The following SYN2 variants were observed in gnomAD, a reference collection of about 807,000 sequenced individuals.
SYN2 encodes synapsin II.
In SYN2, 19 loss-of-function variants were observed where a neutral mutation model predicts 50.9. The observed-to-expected ratio is 0.37, with a 90% CI of 0.26 to 0.55. The LOEUF (loss-of-function observed/expected upper bound fraction) is 0.55, where lower values mean the gene tolerates loss of function less well. Ranked by LOEUF, SYN2 falls within the 20% of genes least tolerant of loss-of-function variation. The probability of loss-of-function intolerance (pLI) is 0.81; values close to 1 mark genes in which losing one functional copy is unlikely to be tolerated. For synonymous variants in SYN2, 255 were observed against 224.9 expected, an observed-to-expected ratio of 1.13 and a Z score of -1.20; for missense variants, 587 against 576.4, an observed-to-expected ratio of 1.02 and a Z score of -0.19.
chr3:12,072,985 GA>G (rs1695393639), intron 1 of SYN2, among the ~76,000 whole-genome samples: 1 of 152,154 alleles, frequency 6.6e-6, no homozygotes, highest in Non-Finnish European at 1.5e-5. Context: ...CTCACTGTCA[GA>G]TGATCTAGTA....
At chr3:12,044,620 A>G (rs894298288) in intron 1 of SYN2, among the ~76,000 whole-genome samples, 3 of 152,120 alleles carry the variant, frequency 2.0e-5, no homozygotes, top group African/African-American at 7.2e-5. Flanking sequence ...TTGGTCATTT[A>G]CTTTTATAGG....
At chr3:12,161,101 G>T (rs1697635641) in intron 5 of SYN2, among the ~76,000 whole-genome samples, 1 of 152,218 alleles carries the variant, frequency 6.6e-6, no homozygotes, top group South Asian at 2.1e-4. Flanking sequence ...TTTGAAGGTT[G>T]TAGGTACCAA....
chr3:12,172,564 C>A (rs989065461), intron 10 of SYN2, among the ~76,000 whole-genome samples: 1 of 152,194 alleles, frequency 6.6e-6, no homozygotes, highest in African/African-American at 2.4e-5. Context: ...GACTCATTCC[C>A]CTCCTGGCTT....
At chr3:12,031,913 TC>T (rs1179202417) in intron 1 of SYN2, among the ~76,000 whole-genome samples, 1 of 138,452 alleles carries the variant, frequency 7.2e-6, no homozygotes, top group African/African-American at 2.6e-5. Flanking sequence ...GTGAATTTGA[TC>T]CTGTCATTAT....
chr3:12,062,147 T>TATG (rs201533926), intron 1 of SYN2, among the ~76,000 whole-genome samples: 3 of 151,602 alleles, frequency 2.0e-5, no homozygotes, highest in South Asian at 2.1e-4. Context: ...ATCCATGCAG[T>TATG]ATGATGATGA....
chr3:12,156,771 T>G (rs777309788), intron 5 of SYN2: 4 of 1,495,836 alleles, frequency 2.7e-6, no homozygotes, highest in East Asian at 2.3e-5. Context: ...CTACCTCCCC[T>G]AGGGCAGAAT....
chr3:12,036,663 A>G (rs1462903528), intron 1 of SYN2, among the ~76,000 whole-genome samples: 1 of 152,092 alleles, frequency 6.6e-6, no homozygotes, highest in Non-Finnish European at 1.5e-5. Context: ...AGATCTCTGA[A>G]ATGCCTTCCG....
chr3:12,121,202 A>G (rs1351644489), intron 1 of SYN2, among the ~76,000 whole-genome samples: 1 of 152,180 alleles, frequency 6.6e-6, no homozygotes, highest in Non-Finnish European at 1.5e-5. Flanking sequence ...AACCTGGGTT[A>G]AGTTCTTCTC....
At chr3:12,163,468 C>T (rs949961044) in intron 7 of SYN2, among the ~76,000 whole-genome samples, 2 of 151,690 alleles carry the variant, frequency 1.3e-5, no homozygotes, top group African/African-American at 4.9e-5. Flanking sequence ...CCTCCCTGCA[C>T]TCCTGTCCCA....
intron 1 of SYN2, among the ~76,000 whole-genome samples, chr3:12,028,822 A>C (rs1694320886): frequency 6.9e-6 from 1 of 145,202 alleles, no homozygotes; most frequent in Admixed American, 6.9e-5. Flanking sequence ...TCCATGTTGT[A>C]GGTTGCCTGT....
chr3:12,016,053 C>T (rs1268831878), intron 1 of SYN2, among the ~76,000 whole-genome samples: 2 of 152,292 alleles, frequency 1.3e-5, no homozygotes, highest in African/African-American at 4.8e-5. Context: ...TTTGAAGGCC[C>T]TCAATAACAC....
chr3:12,101,749 A>G (rs190458777), intron 1 of SYN2, among the ~76,000 whole-genome samples: 1 of 152,308 alleles, frequency 6.6e-6, no homozygotes, highest in African/African-American at 2.4e-5. Context: ...ACTATAGTGT[A>G]AACATCCCTC....
rs573511705 is a variant in SYN2 at position 12,074,634 on chromosome 3, C to T, written c.378-66017C>T. Among the ~76,000 whole-genome samples, 17 of 152,140 alleles carry T rather than the reference C, an allele frequency of 1.1e-4. No individual in the cohort carries two copies. In the South Asian group the frequency reaches 3.3e-3, roughly 30 times the overall value. ...ACTTGTTTTTGTATTCAAATTTGTTCTTTTTTGTTGTTCTGTGGCTTGGAT... is the reference window on the plus strand; with the variant it reads ...ACTTGTTTTTGTATTCAAATTTGTTTTTTTTTGTTGTTCTGTGGCTTGGAT... On this transcript the variant is annotated intron_variant, in intron 1 of 12. Coordinates refer to ENST00000621198, the MANE Select transcript of SYN2 (RefSeq NM_133625.6).
chr3:12,080,174 A>G (rs1695556341), intron 1 of SYN2, among the ~76,000 whole-genome samples: 1 of 151,530 alleles, frequency 6.6e-6, no homozygotes, highest in South Asian at 2.1e-4. Flanking sequence ...TTTATTGTCT[A>G]TTTGATTCTT....
chr3:12,112,831 C>T lies in SYN2; in HGVS notation c.378-27820C>T, dbSNP rs147257680. ...AGTGCACTTTTAAAAAAAATAAATA[C>T]CCCAGGAGTTAAGTCATATCCGGTT... On this transcript the variant is annotated intron_variant, in intron 1 of 12. Transcript: ENST00000621198. Among the ~76,000 whole-genome samples the T allele has an allele frequency of 1.5e-4, 23 of 152,174 alleles. No homozygotes were observed. The East Asian group carries it at 4.1e-3, about 27-fold the overall frequency.
intron 1 of SYN2, among the ~76,000 whole-genome samples, chr3:12,100,463 A>G (rs1696047812): frequency 6.6e-6 from 1 of 152,198 alleles, no homozygotes; most frequent in African/African-American, 2.4e-5. Flanking sequence ...CCTATCTCAT[A>G]CTATATACAA....
At chr3:12,128,144 T>A (rs769713542) in intron 1 of SYN2, among the ~76,000 whole-genome samples, 11 of 152,094 alleles carry the variant, frequency 7.2e-5, no homozygotes, top group Non-Finnish European at 1.5e-4. Flanking sequence ...AGAATCTCAT[T>A]ATGTTGCCCA....
intron 1 of SYN2, among the ~76,000 whole-genome samples, chr3:12,018,857 T>A (rs1316365698): frequency 6.6e-6 from 1 of 152,236 alleles, no homozygotes; most frequent in Non-Finnish European, 1.5e-5. Context: ...TAGGTAGATA[T>A]GAGGAAGAGT....
chr3:12,015,457 T>C (rs1247625884), intron 1 of SYN2, among the ~76,000 whole-genome samples: 1 of 152,186 alleles, frequency 6.6e-6, no homozygotes, highest in African/African-American at 2.4e-5. Context: ...AAAAAAATTA[T>C]GAAAATATCA....
Sources: allele counts gnomAD v4.1 joint callset (sites outside exome capture counted in the v4.1 genomes callset), GRCh38; gene constraint gnomAD v4.1.1; transcripts MANE v1.5; gene names NCBI Gene and HGNC (gene_info 2026-07-23, HGNC 2026-07-21).